The following FGD4 variants were observed in gnomAD, a reference collection of about 807,000 sequenced individuals.
The protein encoded by FGD4 is FYVE, RhoGEF and PH domain containing 4.
FGD4 carries 42 observed loss-of-function variants against 102.0 expected under a neutral mutation model. That is an observed-to-expected ratio of 0.41 (90% CI 0.32 to 0.53). FGD4 has a LOEUF of 0.53. Ranked by LOEUF, FGD4 falls within the 20% of genes least tolerant of loss-of-function variation. The pLI, the probability that FGD4 is intolerant of heterozygous loss-of-function variation, is 0.21. For synonymous variants in FGD4, 380 were observed against 375.7 expected, an observed-to-expected ratio of 1.01 and a Z score of -0.13; for missense variants, 902 against 1,078.2, an observed-to-expected ratio of 0.84 and a Z score of 2.29.
chr12:32,585,998 A>T (rs938612313), intron 4 of FGD4, among the ~76,000 whole-genome samples: 1 of 152,068 alleles, frequency 6.6e-6, no homozygotes, highest in Non-Finnish European at 1.5e-5. Flanking sequence ...GATGGGGGTG[A>T]GTGAAAGTGT....
At chr12:32,518,832 G>A (rs184248814) in intron 1 of FGD4, among the ~76,000 whole-genome samples, 36,563 of 150,520 alleles carry the variant, frequency 0.24, 5,229 homozygotes, top group Middle Eastern at 0.44. Context: ...AAAAAAACAA[G>A]GGCCAGGCAC....
chr12:32,629,388 A>C (rs2136982245), intron 14 of FGD4, among the ~76,000 whole-genome samples: 1 of 152,314 alleles, frequency 6.6e-6, no homozygotes, highest in South Asian at 2.1e-4. Context: ...ACCATTTATG[A>C]TGTACCAGTG....
intron 1 of FGD4, among the ~76,000 whole-genome samples, chr12:32,560,410 C>T (rs576855662): frequency 2.6e-5 from 4 of 151,982 alleles, no homozygotes; most frequent in South Asian, 2.1e-4. Flanking sequence ...TGCCACCACA[C>T]CCAGTTAATG....
intron 4 of FGD4, among the ~76,000 whole-genome samples, chr12:32,593,455 G>A (rs1044321235): frequency 6.6e-6 from 1 of 152,136 alleles, no homozygotes; most frequent in African/African-American, 2.4e-5. Flanking sequence ...TCAGGGTTAG[G>A]GACCTAACAT....
rs76665784 is a variant in FGD4, at chr12:32,640,865, G to A, written c.*332G>A. ...ACTTCCATTTAAGAAATCCTTTCAT[G>A]TCTTCTTCTCTTTCACATGTAGGAC... On this transcript the variant is annotated 3_prime_UTR_variant, in exon 17 of 17. Coordinates refer to ENST00000534526, the MANE Select transcript of FGD4 (RefSeq NM_001370298.3). 8.1e-4 allele frequency: 445 copies of A among 546,650 alleles called. 2 individuals are homozygous for A. The highest frequency in any genetic ancestry group is 7.5e-3 in the African/African-American group (398 of 52,848). 33.9% of individuals were successfully genotyped at this position (546,650 alleles called of 1,614,324 possible).
At position 32,590,867 on chromosome 12, in the gene FGD4, G is replaced by A. The variant is rs372755448; in HGVS notation, c.1012-7630G>A. 6.6e-5 allele frequency among the ~76,000 whole-genome samples: 10 copies of A among 152,296 alleles called. 1 individual carries two copies. The highest frequency in any genetic ancestry group is 1.3e-4 in the Admixed American group (2 of 15,294). On this transcript the variant is annotated intron_variant, in intron 4 of 16. Transcript: ENST00000534526. Reference sequence around the variant, plus strand: ...TCCTTAGTTTCATGATAAAGAATCTGCAGAACTTTGGAATATCACAGAACA... The same window carrying A: ...TCCTTAGTTTCATGATAAAGAATCTACAGAACTTTGGAATATCACAGAACA...
intron 1 of FGD4, chr12:32,485,944 T>TA (rs1040092307): frequency 1.6e-6 from 2 of 1,277,322 alleles, no homozygotes; most frequent in African/African-American, 3.1e-5. Flanking sequence ...GAAGAAGACT[T>TA]ATGAAACAGA....
At chr12:32,467,951 G>A (rs1264825302) in intron 1 of FGD4, among the ~76,000 whole-genome samples, 1 of 152,168 alleles carries the variant, frequency 6.6e-6, no homozygotes, top group Non-Finnish European at 1.5e-5. Context: ...GGGAGGTGGA[G>A]GTTGCAGTGA....
At chr12:32,402,883 G>A (rs1323465016) in intron 1 of FGD4, among the ~76,000 whole-genome samples, 1 of 151,966 alleles carries the variant, frequency 6.6e-6, no homozygotes, top group Non-Finnish European at 1.5e-5. Flanking sequence ...TTTGGGAAGG[G>A]TAAAAAATAT....
intron 14 of FGD4, among the ~76,000 whole-genome samples, chr12:32,628,127 T>C (rs1031828097): frequency 2.6e-5 from 4 of 152,106 alleles, no homozygotes; most frequent in Non-Finnish European, 4.4e-5. Flanking sequence ...GGGCTTGTCA[T>C]GTAAATGTTG....
In FGD4 at chr12:32,544,308, T is replaced by TA. The variant is rs1943068415; in HGVS notation, c.167-19827dup. Among the ~76,000 whole-genome samples the TA allele has an allele frequency of 1.3e-5, 2 of 152,102 alleles. No homozygotes were observed. Among genetic ancestry groups the TA allele is most frequent in the African/African-American group, 4.8e-5 (2 of 41,412 alleles). On this transcript the variant is annotated intron_variant, in intron 1 of 16. Transcript: ENST00000534526. This position sits in a 1 kb window ranked among gnomAD's most constrained non-coding sequence, Gnocchi z 4.1. ...AGCTGGGCGTGGTGGTGGGTACCTG[T>TA]AATCCCAGCTACTTGGGAGCCTGAG...
intron 1 of FGD4, among the ~76,000 whole-genome samples, chr12:32,453,647 C>A (rs1163062742): frequency 6.6e-6 from 1 of 152,094 alleles, no homozygotes; most frequent in East Asian, 1.9e-4. Context: ...AATTAACTTG[C>A]CCAACTTGCT....
At chr12:32,428,545 G>T (rs778016334) in intron 1 of FGD4, among the ~76,000 whole-genome samples, 1 of 151,810 alleles carries the variant, frequency 6.6e-6, no homozygotes, top group Non-Finnish European at 1.5e-5. Context: ...ATGTGTCTTG[G>T]GGTCGCTCTT....
chr12:32,540,830 G>T (rs924000412), intron 1 of FGD4, among the ~76,000 whole-genome samples: 1 of 152,114 alleles, frequency 6.6e-6, no homozygotes, highest in African/African-American at 2.4e-5. Context: ...CTCCCAAAGC[G>T]CTGGGATTAC....
At position 32,625,289 on chromosome 12, in the gene FGD4, T is replaced by TTA. The variant is rs368679104; in HGVS notation, c.2046+221_2046+222insTA. Reference sequence around the variant, plus strand: ...TTATTCTTTTTTTTTTTTTTTTTTTTAACAGAGTCTTGCTCTGTCACCCAA... The same window carrying TTA: ...TTATTCTTTTTTTTTTTTTTTTTTTTTAAACAGAGTCTTGCTCTGTCACCCAA... On this transcript the variant is annotated intron_variant, in intron 13 of 16. Transcript: ENST00000534526. Among the ~76,000 whole-genome samples the TTA allele has an allele frequency of 0.14, 19,928 of 143,720 alleles. 1,684 individuals carry two copies. The highest frequency in any genetic ancestry group is 0.24 in the Middle Eastern group (66 of 280). 94.3% of individuals were successfully genotyped at this position (143,720 alleles called of 152,430 possible).
chr12:32,530,856 T>G (rs1941715129), intron 1 of FGD4, among the ~76,000 whole-genome samples: 1 of 151,798 alleles, frequency 6.6e-6, no homozygotes, highest in African/African-American at 2.4e-5. Flanking sequence ...ATCTCTACTG[T>G]TGACAATGAG....
chr12:32,562,587 A>G (rs1944707559), intron 1 of FGD4, among the ~76,000 whole-genome samples: 2 of 152,162 alleles, frequency 1.3e-5, no homozygotes, highest in African/African-American at 4.8e-5. Context: ...GTCCCTGGGT[A>G]CTTGAGATTA....
At chr12:32,583,708 T>G (rs1419415241) in intron 4 of FGD4, among the ~76,000 whole-genome samples, 3 of 152,168 alleles carry the variant, frequency 2.0e-5, no homozygotes, top group African/African-American at 4.8e-5. Context: ...ATACTGACTC[T>G]GAAGCAGACA....
At chr12:32,483,457 A>G (rs1035009936) in intron 1 of FGD4, among the ~76,000 whole-genome samples, 2 of 152,246 alleles carry the variant, frequency 1.3e-5, no homozygotes, top group Non-Finnish European at 2.9e-5. Flanking sequence ...TCTACAATGT[A>G]CAATGCCAAA....
Sources: gnomAD v4.1 joint callset for allele counts (sites outside exome capture counted in the v4.1 genomes callset) on GRCh38, gnomAD v4.1.1 for gene constraint, Gnocchi (gnomAD v3.1) non-coding constraint, MANE v1.5 for transcripts, NCBI Gene and HGNC (gene_info 2026-07-23, HGNC 2026-07-21) for gene names.